LRRTM4: variants seen among roughly 807,000 people sequenced by gnomAD.
LRRTM4 encodes leucine rich repeat transmembrane neuronal 4, also known as leucine-rich repeat transmembrane neuronal protein 4.
A neutral mutation model predicts 47.6 loss-of-function variants in LRRTM4; 25 were observed. That is an observed-to-expected ratio of 0.53 (90% confidence interval 0.38 to 0.73). The LOEUF is 0.73. LRRTM4 is among the 30% of genes least tolerant of loss of function. The pLI, the probability that LRRTM4 is intolerant of heterozygous loss-of-function variation, is 0.00. For synonymous variants in LRRTM4, 311 were observed against 269.5 expected, an observed-to-expected ratio of 1.15 and a Z score of -1.51; for missense variants, 638 against 713.4, an observed-to-expected ratio of 0.89 and a Z score of 1.20.
At chr2:77,505,731 C>A (rs1029441205) in intron 3 of LRRTM4, among the ~76,000 whole-genome samples, 4 of 151,418 alleles carry the variant, frequency 2.6e-5, no homozygotes, top group Non-Finnish European at 5.9e-5. Flanking sequence ...TAAATATGGA[C>A]ATACATATAC....
chr2:76,959,999 AC>A (rs1209030597), intron 3 of LRRTM4, among the ~76,000 whole-genome samples: 5 of 151,250 alleles, frequency 3.3e-5, no homozygotes, highest in Non-Finnish European at 5.9e-5. Flanking sequence ...ACTTGGCCAA[AC>A]AAAAAAAAAA....
intron 3 of LRRTM4, among the ~76,000 whole-genome samples, chr2:77,083,768 T>C: frequency 6.7e-6 from 1 of 148,538 alleles, no homozygotes; most frequent in African/African-American, 2.5e-5. Context: ...ACTTCTCAAT[T>C]TTTAACTGGA....
intron 3 of LRRTM4, among the ~76,000 whole-genome samples, chr2:77,276,284 G>A (rs751339640): frequency 2.0e-5 from 3 of 147,172 alleles, no homozygotes; most frequent in Non-Finnish European, 4.5e-5. Context: ...AAAAACATAC[G>A]CTATTTTTAA....
intron 3 of LRRTM4, among the ~76,000 whole-genome samples, chr2:77,196,744 T>C (rs1673837773): frequency 6.6e-6 from 1 of 152,034 alleles, no homozygotes; most frequent in African/African-American, 2.4e-5. Flanking sequence ...CTTTCTCAAA[T>C]AATAAATTAA....
chr2:76,781,921 C>CT, intron 3 of LRRTM4, among the ~76,000 whole-genome samples: 2 of 152,320 alleles, frequency 1.3e-5, no homozygotes, highest in Non-Finnish European at 2.9e-5. Flanking sequence ...TCTTGATCAT[C>CT]AGAAGCTGCT....
At chr2:76,889,492 A>G (rs531079541) in intron 3 of LRRTM4, among the ~76,000 whole-genome samples, 113 of 152,092 alleles carry the variant, frequency 7.4e-4, no homozygotes, top group African/African-American at 2.7e-3. Context: ...ACTCTTCAAG[A>G]TTATTACTGT....
chr2:77,066,900 C>A (rs1227647341), intron 3 of LRRTM4, among the ~76,000 whole-genome samples: 1 of 152,158 alleles, frequency 6.6e-6, no homozygotes, highest in Non-Finnish European at 1.5e-5. Context: ...GCATGGCTGG[C>A]AGAGAGAGCG....
intron 3 of LRRTM4, among the ~76,000 whole-genome samples, chr2:76,894,155 A>AT (rs1412536571): frequency 6.6e-5 from 10 of 151,998 alleles, no homozygotes; most frequent in African/African-American, 2.4e-4. Flanking sequence ...GGTATTCAAA[A>AT]TTTTTTATTC....
At chr2:77,411,200 A>G (rs1457244769) in intron 3 of LRRTM4, among the ~76,000 whole-genome samples, 1 of 152,198 alleles carries the variant, frequency 6.6e-6, no homozygotes, top group South Asian at 2.1e-4. Context: ...CCCTCACACA[A>G]GAGTCCACTG....
intron 3 of LRRTM4, among the ~76,000 whole-genome samples, chr2:76,908,371 C>A (rs1287854551): frequency 6.6e-6 from 1 of 151,816 alleles, no homozygotes; most frequent in Non-Finnish European, 1.5e-5. Flanking sequence ...CTATGACAAA[C>A]CCACAGCCAA....
chr2:77,212,385 T>C (rs937628836), intron 3 of LRRTM4, among the ~76,000 whole-genome samples: 1 of 150,370 alleles, frequency 6.7e-6, no homozygotes, highest in African/African-American at 2.4e-5. Flanking sequence ...GTCATATATA[T>C]ATATGAATTT....
chr2:77,272,210 T>A (rs1352558649), intron 3 of LRRTM4, among the ~76,000 whole-genome samples: 1 of 152,208 alleles, frequency 6.6e-6, no homozygotes, highest in African/African-American at 2.4e-5. Context: ...TGGGGTTTTA[T>A]TGATAAACCT....
At chr2:77,080,670 T>G (rs1680501360) in intron 3 of LRRTM4, among the ~76,000 whole-genome samples, 1 of 152,194 alleles carries the variant, frequency 6.6e-6, no homozygotes, top group Middle Eastern at 3.2e-3. Flanking sequence ...TTTAACAAAT[T>G]ATTTAACACT....
chr2:77,395,871 C>G (rs961470259), intron 3 of LRRTM4, among the ~76,000 whole-genome samples: 6 of 151,970 alleles, frequency 3.9e-5, no homozygotes, highest in African/African-American at 1.4e-4. Context: ...ATCAGCTACT[C>G]TCCTTTGATT....
intron 3 of LRRTM4, among the ~76,000 whole-genome samples, chr2:77,441,758 G>GT (rs1210868034): frequency 6.6e-6 from 1 of 152,134 alleles, no homozygotes; most frequent in Non-Finnish European, 1.5e-5. Context: ...CCAAAGAGAA[G>GT]TAAGACATAG....
chr2:76,775,708 A>G (rs1673943347), intron 3 of LRRTM4, among the ~76,000 whole-genome samples: 1 of 152,048 alleles, frequency 6.6e-6, no homozygotes, highest in South Asian at 2.1e-4. Context: ...GAGTTAGCCT[A>G]TCCCTTCCTA....
chr2:76,898,136 GT>G (rs1673486628), intron 3 of LRRTM4, among the ~76,000 whole-genome samples: 1 of 151,858 alleles, frequency 6.6e-6, no homozygotes, highest in African/African-American at 2.4e-5. Context: ...TTATACCCTT[GT>G]TTTTTTCTGT....
intron 3 of LRRTM4, among the ~76,000 whole-genome samples, chr2:76,966,976 T>G (rs139768916): frequency 4.0e-4 from 61 of 151,588 alleles, no homozygotes; most frequent in South Asian, 3.7e-3. Flanking sequence ...TGTATAATAG[T>G]ATTACTATAT....
At chr2:76,922,870 T>C (rs774595811) in intron 3 of LRRTM4, among the ~76,000 whole-genome samples, 69 of 152,098 alleles carry the variant, frequency 4.5e-4, no homozygotes, top group Non-Finnish European at 8.2e-4. Flanking sequence ...GCTAGATTGA[T>C]CTTCATCTCC....
Sources: gnomAD v4.1 joint callset for allele counts (sites outside exome capture counted in the v4.1 genomes callset) on GRCh38, gnomAD v4.1.1 for gene constraint, MANE v1.5 for transcripts, NCBI Gene and HGNC (gene_info 2026-07-23, HGNC 2026-07-21) for gene names.